TMEM245: variants seen among roughly 807,000 people sequenced by gnomAD.
TMEM245 encodes the protein transmembrane protein 245.
TMEM245 carries 69 observed loss-of-function variants against 101.2 expected under a neutral mutation model. The ratio of observed to expected loss-of-function variants is 0.68; its 90% CI spans 0.56 to 0.83. TMEM245 has a LOEUF of 0.83. Among genes scored for constraint, TMEM245 ranks in the 40% least tolerant of loss-of-function variants. The probability of loss-of-function intolerance (pLI) is 0.00; values close to 1 mark genes in which losing one functional copy is unlikely to be tolerated. For synonymous variants in TMEM245, 537 were observed against 449.8 expected, an observed-to-expected ratio of 1.19 and a Z score of -2.45; for missense variants, 1,075 against 1,092.8, an observed-to-expected ratio of 0.98 and a Z score of 0.23.
Position 109,119,516 on chromosome 9 carries a change from T to TGCGG in TMEM245, c.397_398insCCGC (p.Tyr133SerfsTer83). 6.6e-7 allele frequency: 1 copy of TGCGG among 1,523,600 alleles called. No homozygotes were observed. Among genetic ancestry groups the TGCGG allele is most frequent in the South Asian group, 1.2e-5 (1 of 82,948 alleles). 94.4% of individuals were successfully genotyped at this position (1,523,600 alleles called of 1,614,324 possible). A position where few individuals can be genotyped will look rare whatever the true frequency, so the allele number is the denominator to read the frequency against. On this transcript the variant is annotated frameshift_variant, in exon 1 of 18. Coordinates refer to ENST00000374586, the MANE Select transcript of TMEM245 (RefSeq NM_032012.4). LOFTEE classifies it high-confidence loss of function. ...CTGCTCGCCCAGGGCCTCGACGCCG[T>TGCGG]AGTCGACGAAGCAGAGCGGCAGGAG...
chr9:109,045,369 A>G (rs769016077), intron 14 of TMEM245, among the ~76,000 whole-genome samples: 186 of 152,288 alleles, frequency 1.2e-3, no homozygotes, highest in Non-Finnish European at 3.8e-4. Flanking sequence ...TGAAGGGCAC[A>G]GGGGATGAGC....
At position 109,087,235 on chromosome 9, in the gene TMEM245, C is replaced by G; in HGVS notation, c.1258G>C (p.Gly420Arg). Reference sequence around the variant, plus strand: ...ACAATGGGCCAAGGCGCGAGAGCTCCCTGCCGCTCCTTCAGGAAGCTTTCT... The same window carrying G: ...ACAATGGGCCAAGGCGCGAGAGCTCGCTGCCGCTCCTTCAGGAAGCTTTCT... Reference protein sequence around the residue: ...IIESFLKERQGALAPWPIVGL... With the variant: ...IIESFLKERQRALAPWPIVGL... Residue 420 changes from glycine to arginine, a missense_variant, in exon 6 of 18, where the codon GGA (glycine) becomes CGA (arginine). Gly to Arg is a moderately radical substitution (Grantham distance 125). Around this residue, in one of 2 missense-constraint regions of TMEM245, gnomAD observed 808 missense variants for 741.5 expected, o/e 1.09. Coordinates refer to ENST00000374586, the MANE Select transcript of TMEM245 (RefSeq NM_032012.4). The G allele has an allele frequency of 6.2e-7, 1 of 1,613,760 alleles. No homozygotes were observed. The highest frequency in any genetic ancestry group is 8.5e-7 in the Non-Finnish European group (1 of 1,179,894).
Position 109,074,472 on chromosome 9 carries a change from G to A in TMEM245, c.1450-1034C>T, listed in dbSNP as rs542509532. Among the ~76,000 whole-genome samples the A allele has an allele frequency of 3.3e-4, 51 of 152,262 alleles. No individual in the cohort carries two copies. The South Asian group carries it at 0.011, about 32-fold the overall frequency. ...TATATTACGATTCACGAGTAACAGG[G>A]AGAAAAGAAGCCACATCGTTATCCT... is the stretch of plus-strand genomic sequence containing the variant. On this transcript the variant is annotated intron_variant, in intron 8 of 17. Coordinates refer to ENST00000374586, the MANE Select transcript of TMEM245 (RefSeq NM_032012.4).
chr9:109,021,819 C>CA (rs1026426438), intron 17 of TMEM245, among the ~76,000 whole-genome samples: 4 of 151,754 alleles, frequency 2.6e-5, no homozygotes, highest in African/African-American at 9.7e-5. Flanking sequence ...ACCACCCCCC[C>CA]AAAAAAAGCA....
chr9:109,106,735 G>GAA, intron 2 of TMEM245, 126 bp from the exon 3 acceptor site: 2 of 561,802 alleles, frequency 3.6e-6, no homozygotes, highest in South Asian at 9.0e-5. Flanking sequence ...TACTTATCAG[G>GAA]CAAAAAAAAA....
At chr9:109,044,762 GT>G (rs5899833) in intron 14 of TMEM245, among the ~76,000 whole-genome samples, 7,667 of 135,904 alleles carry the variant, frequency 0.056, 224 homozygotes, top group Admixed American at 0.12. Context: ...TATCATTTTG[GT>G]TTTTTTTTTT....
chr9:109,057,694 T>C (rs147962533), intron 11 of TMEM245, among the ~76,000 whole-genome samples: 1,749 of 152,104 alleles, frequency 0.011, 14 homozygotes, highest in South Asian at 0.031. Flanking sequence ...GAGGTTGCAG[T>C]GAGCCAAGAA....
At chr9:109,060,274 A>AAT in intron 11 of TMEM245, 80 bp downstream of exon 11, 1 of 1,009,094 alleles carries the variant, frequency 9.9e-7, no homozygotes, top group Non-Finnish European at 1.5e-6. Flanking sequence ...TCCCACTGTG[A>AAT]ATATAATCCT....
chr9:109,110,647 C>T (rs185577729), intron 1 of TMEM245, among the ~76,000 whole-genome samples: 14 of 152,034 alleles, frequency 9.2e-5, no homozygotes, highest in Non-Finnish European at 7.4e-5. Context: ...TTACGTCAGT[C>T]ACTTAGATGA....
At chr9:109,066,477 A>AT (rs1829169936) in intron 9 of TMEM245, among the ~76,000 whole-genome samples, 1 of 150,082 alleles carries the variant, frequency 6.7e-6, no homozygotes, top group South Asian at 2.1e-4. Context: ...AAAAAAAAAA[A>AT]ATTTCTCAGC....
At chr9:109,029,473 A>G (rs983618045) in intron 17 of TMEM245, among the ~76,000 whole-genome samples, 10 of 152,236 alleles carry the variant, frequency 6.6e-5, no homozygotes, top group Admixed American at 5.2e-4. Context: ...GCCAGAAAAC[A>G]ATGAAGAAAT....
Position 109,073,227 on chromosome 9 carries a change from T to C in TMEM245, c.1532+129A>G, listed in dbSNP as rs186519322. ...ACATTCTTCTTCAAAAATGACAATA[T>C]TTATCAAAGCTCTGGCAAACCCTAT... On this transcript the variant is annotated intron_variant, in intron 9 of 17. Coordinates refer to ENST00000374586, the MANE Select transcript of TMEM245 (RefSeq NM_032012.4). The C allele has an allele frequency of 1.1e-3, 769 of 706,220 alleles. 2 individuals carry two copies. Among genetic ancestry groups the C allele is most frequent in the Admixed American group, 3.9e-3 (162 of 41,616 alleles). 43.7% of individuals were successfully genotyped at this position (706,220 alleles called of 1,614,324 possible). A position where few individuals can be genotyped will look rare whatever the true frequency, so the allele number is the denominator to read the frequency against.
intron 5 of TMEM245, 61 bp downstream of exon 5, chr9:109,090,861 A>G (rs1829980264): frequency 1.3e-6 from 2 of 1,493,252 alleles, no homozygotes; most frequent in African/African-American, 2.8e-5. Flanking sequence ...ATCCAAAAGT[A>G]AAAAAAGAAA....
chr9:109,043,807 T>G (rs1828391124), intron 14 of TMEM245, among the ~76,000 whole-genome samples: 1 of 152,176 alleles, frequency 6.6e-6, no homozygotes, highest in Non-Finnish European at 1.5e-5. Flanking sequence ...TATAGACTAT[T>G]ATAGAGCAGG....
At chr9:109,074,162 C>T (rs1348477288) in intron 8 of TMEM245, among the ~76,000 whole-genome samples, 2 of 152,042 alleles carry the variant, frequency 1.3e-5, no homozygotes, top group Non-Finnish European at 2.9e-5. Context: ...AAGTAAACTG[C>T]AACTAAGTAA....
At chr9:109,027,777 C>A (rs1227699406) in intron 17 of TMEM245, among the ~76,000 whole-genome samples, 1 of 152,128 alleles carries the variant, frequency 6.6e-6, no homozygotes, top group Non-Finnish European at 1.5e-5. Flanking sequence ...CGTCCACCTC[C>A]TGGGTTCAAG....
At chr9:109,064,895 T>C (rs546882825) in intron 9 of TMEM245, among the ~76,000 whole-genome samples, 1 of 152,318 alleles carries the variant, frequency 6.6e-6, no homozygotes, top group South Asian at 2.1e-4. Flanking sequence ...GTTCAAGTGA[T>C]TCTCCTGCCT....
At position 109,058,372 on chromosome 9, in the gene TMEM245, G is replaced by A. The variant is rs1035296108; in HGVS notation, c.1723-1050C>T. On this transcript the variant is annotated intron_variant, in intron 11 of 17. Coordinates refer to ENST00000374586, the MANE Select transcript of TMEM245 (RefSeq NM_032012.4). Reference sequence around the variant, plus strand: ...GGACAGAAGAATATAACAAGCAAACGTAAGGCAGTAAATAGAATTTATCTA... The same window carrying A: ...GGACAGAAGAATATAACAAGCAAACATAAGGCAGTAAATAGAATTTATCTA... Among the ~76,000 whole-genome samples the A allele has an allele frequency of 4.6e-5, 7 of 152,026 alleles. No homozygotes were observed. The East Asian group carries it at 7.8e-4, about 17-fold the overall frequency.
intron 9 of TMEM245, among the ~76,000 whole-genome samples, chr9:109,066,847 G>A (rs1829186233): frequency 6.6e-6 from 1 of 151,970 alleles, no homozygotes; most frequent in Admixed American, 6.5e-5. Flanking sequence ...CCTGAGGTCA[G>A]TAGTTTGTGA....
Sources: gnomAD v4.1 joint callset for allele counts (sites outside exome capture counted in the v4.1 genomes callset) on GRCh38, gnomAD v4.1.1 for gene constraint, gnomAD v4.1.1 regional missense constraint, MANE v1.5 for transcripts, NCBI Gene and HGNC (gene_info 2026-07-23, HGNC 2026-07-21) for gene names.